Variants in PMS2 observed in about 807,000 individuals in gnomAD.
The protein encoded by PMS2 is PMS1 homolog 2, mismatch repair system component.
In PMS2, 69 loss-of-function variants were observed where a neutral mutation model predicts 90.0. The observed-to-expected ratio is 0.77, with a 90% confidence interval of 0.63 to 0.94. PMS2 has a LOEUF of 0.94. Among genes scored for constraint, PMS2 ranks in the 40% least tolerant of loss-of-function variants. The pLI, the probability that PMS2 is intolerant of heterozygous loss-of-function variation, is 0.00. For synonymous variants in PMS2, 332 were observed against 375.1 expected, an observed-to-expected ratio of 0.89 and a Z score of 1.33; for missense variants, 966 against 1,040.2, an observed-to-expected ratio of 0.93 and a Z score of 0.98.
chr7:5,981,540 C>A (rs1166091724), intron 12 of PMS2, among the ~76,000 whole-genome samples: 1 of 149,688 alleles, frequency 6.7e-6, no homozygotes, highest in Non-Finnish European at 1.5e-5. Context: ...GCCCCTGCAT[C>A]CAACCTGCAG....
chr7:6,003,974 A>C lies in PMS2; in HGVS notation c.248T>G (p.Leu83Ter), dbSNP rs1064794083. ...CGVEEENFEG[L>*]TLKHHTSKIQ... is the part of the protein sequence containing the mutation. ...AGGATTAGAAAAAGTCAACTTACTTAAGCCTTCGAAGTTTTCTTCTTCTAC... is the reference window on the plus strand; with the variant it reads ...AGGATTAGAAAAAGTCAACTTACTTCAGCCTTCGAAGTTTTCTTCTTCTAC... Residue 83 changes from leucine (L) to a stop codon, truncating the protein, a stop_gained and splice_region_variant, in exon 3 of 15, where the codon TTA (leucine) becomes TGA (stop). Coordinates refer to ENST00000265849, the MANE Select transcript of PMS2 (RefSeq NM_000535.7). LOFTEE classifies it high-confidence loss of function. The C allele has an allele frequency of 6.3e-7, 1 of 1,582,268 alleles. No homozygotes were observed. The highest frequency in any genetic ancestry group is 1.3e-5 in the African/African-American group (1 of 74,268).
upstream of PMS2, chr7:6,009,101 T>C (rs1214069021): frequency 6.6e-7 from 1 of 1,514,980 alleles, no homozygotes; most frequent in Admixed American, 1.7e-5. Flanking sequence ...TGAACTCCCA[T>C]TGGCTGCTTT....
chr7:5,999,057 G>GCT, intron 6 of PMS2, 51 bp downstream of exon 6: 1 of 1,539,644 alleles, frequency 6.5e-7, no homozygotes, highest in Non-Finnish European at 9.0e-7. Context: ...ATGGAAACCC[G>GCT]CTATAATCAC....
intron 6 of PMS2, among the ~76,000 whole-genome samples, chr7:5,998,077 G>GTTT (rs1181173881): frequency 2.3e-5 from 3 of 130,862 alleles, no homozygotes; most frequent in Non-Finnish European, 3.3e-5. Flanking sequence ...TAGGTACTTT[G>GTTT]TTTTTTTTTT....
chr7:6,007,792 G>C (rs1445658750), intron 1 of PMS2, among the ~76,000 whole-genome samples: 2 of 151,494 alleles, frequency 1.3e-5, no homozygotes, highest in African/African-American at 4.9e-5. Context: ...ACAGAAAATG[G>C]AAAGAAGTAT....
chr7:5,997,032 T>C (rs1012849135), intron 7 of PMS2, among the ~76,000 whole-genome samples: 1 of 151,894 alleles, frequency 6.6e-6, no homozygotes, highest in Non-Finnish European at 1.5e-5. Context: ...CTGGCCAACA[T>C]GGTGAAACCC....
intron 12 of PMS2, among the ~76,000 whole-genome samples, chr7:5,979,314 C>T (rs1782080754): frequency 6.8e-6 from 1 of 147,022 alleles, no homozygotes; most frequent in Non-Finnish European, 1.5e-5. Flanking sequence ...TTGCTTGAAC[C>T]CAGGAGGTGG....
chr7:6,001,037 A>G (rs575769254), intron 5 of PMS2, among the ~76,000 whole-genome samples: 2 of 152,268 alleles, frequency 1.3e-5, no homozygotes, highest in South Asian at 4.1e-4. Flanking sequence ...TTTACAAGTA[A>G]AAAAAGTTTT....
chr7:6,006,845 T>G (rs1305269186), intron 1 of PMS2, among the ~76,000 whole-genome samples: 1 of 152,154 alleles, frequency 6.6e-6, no homozygotes, highest in Admixed American at 6.6e-5. Context: ...AAGCTCTTGC[T>G]GTACTAGCTT....
intron 7 of PMS2, 46 bp from the exon 8 acceptor site, chr7:5,995,679 G>A: frequency 7.9e-7 from 1 of 1,273,052 alleles, no homozygotes; most frequent in East Asian, 2.3e-5. Context: ...GAGTGAAAGG[G>A]ATTAGAAATA....
intron 9 of PMS2, among the ~76,000 whole-genome samples, chr7:5,990,426 C>T (rs1302920844): frequency 6.6e-6 from 1 of 152,068 alleles, no homozygotes; most frequent in African/African-American, 2.4e-5. Context: ...ATGAAATCAG[C>T]TTTTTCAAAT....
intron 11 of PMS2, among the ~76,000 whole-genome samples, chr7:5,983,405 G>A (rs953670722): frequency 6.6e-5 from 10 of 151,388 alleles, no homozygotes; most frequent in Admixed American, 2.0e-4. Flanking sequence ...CACTGCGTTC[G>A]GCTTAACCAT....
chr7:5,978,757 G>A (rs1259437603), intron 12 of PMS2, 61 bp from the exon 13 acceptor site: 1 of 1,352,788 alleles, frequency 7.4e-7, no homozygotes. Flanking sequence ...CTTTACAGCA[G>A]AAATGAAATG....
chr7:5,989,476 C>A (rs1274902331), intron 10 of PMS2, among the ~76,000 whole-genome samples: 1 of 151,844 alleles, frequency 6.6e-6, no homozygotes, highest in Non-Finnish European at 1.5e-5. Flanking sequence ...GCAGTCACTG[C>A]AGACTTCTTC....
chr7:6,006,115 A>C lies in PMS2; in HGVS notation c.24-84T>G, dbSNP rs1785736015. 4.2e-6 allele frequency: 6 copies of C among 1,433,864 alleles called. No homozygotes were observed. The Admixed American group carries it at 1.0e-4, about 24-fold the overall frequency. 88.8% of individuals were successfully genotyped at this position (1,433,864 alleles called of 1,614,324 possible). On this transcript the variant is annotated intron_variant, in intron 1 of 14. Transcript: ENST00000265849. Reference sequence around the variant, plus strand: ...TTTTAACTGTGGGAAATGACTCAACACTGTAAATAATTTATGGGTCTAATC... The same window carrying C: ...TTTTAACTGTGGGAAATGACTCAACCCTGTAAATAATTTATGGGTCTAATC...
chr7:6,004,081 A>G lies in PMS2; in HGVS notation c.164-23T>C, dbSNP rs1311842994. Reference sequence around the variant, plus strand: ...GATCTAGAAAGTTTAAAATATTTACATATTTATTAAAAACGGACCCATGCT... The same window carrying G: ...GATCTAGAAAGTTTAAAATATTTACGTATTTATTAAAAACGGACCCATGCT... On this transcript the variant is annotated intron_variant, in intron 2 of 14. Transcript: ENST00000265849. The G allele has an allele frequency of 4.5e-6, 6 of 1,333,056 alleles. No individual in the cohort carries two copies. In the Admixed American group the frequency reaches 6.9e-5, roughly 15 times the overall value. 82.6% of individuals were successfully genotyped at this position (1,333,056 alleles called of 1,614,324 possible). A position where few individuals can be genotyped will look rare whatever the true frequency, so the allele number is the denominator to read the frequency against.
At chr7:6,000,555 G>T (rs1784980929) in intron 5 of PMS2, among the ~76,000 whole-genome samples, 1 of 151,916 alleles carries the variant, frequency 6.6e-6, no homozygotes, top group African/African-American at 2.4e-5. Flanking sequence ...TATACAAACT[G>T]TAAATAACAG....
rs745836140 is a variant in PMS2 at position 5,987,101 on chromosome 7, T to A, written c.1664A>T (p.Gln555Leu). 6 of 1,614,162 alleles carry A rather than the reference T, an allele frequency of 3.7e-6. No homozygotes were observed. The South Asian group carries it at 6.6e-5, about 18-fold the overall frequency. The change falls in exon 11 of 15, where the codon CAG becomes CTG. Residue 555 changes from glutamine to leucine, a missense_variant. Around this residue, in one of 2 missense-constraint regions of PMS2, gnomAD observed 871 missense variants for 802.4 expected, o/e 1.09. Coordinates refer to ENST00000265849, the MANE Select transcript of PMS2 (RefSeq NM_000535.7). Reference sequence around the variant, plus strand: ...TCGAAATTTACATCCGGTATCTTCCTGGTTTGAATGGCAGTCCACATCTGA... The same window carrying A: ...TCGAAATTTACATCCGGTATCTTCCAGGTTTGAATGGCAGTCCACATCTGA... Reference protein sequence around the residue: ...SFSDVDCHSNQEDTGCKFRVL... With the variant: ...SFSDVDCHSNLEDTGCKFRVL...
intron 12 of PMS2, among the ~76,000 whole-genome samples, chr7:5,981,234 A>G (rs187757184): frequency 0.13 from 18,761 of 149,914 alleles, 2,033 homozygotes; most frequent in African/African-American, 0.27. Context: ...ATTTTATTTT[A>G]TTTTATTTAT....
Sources: allele counts gnomAD v4.1 joint callset (sites outside exome capture counted in the v4.1 genomes callset), GRCh38; gene constraint gnomAD v4.1.1; regional missense constraint gnomAD v4.1.1; transcripts MANE v1.5; gene names NCBI Gene and HGNC (gene_info 2026-07-23, HGNC 2026-07-21).